NCOA6: variants seen among roughly 807,000 people sequenced by gnomAD.
The protein encoded by NCOA6 is NRC RAP250.
In NCOA6, 49 loss-of-function variants were observed where a neutral mutation model predicts 171.4. The ratio of observed to expected loss-of-function variants is 0.29; its 90% CI spans 0.23 to 0.36. NCOA6 has a LOEUF of 0.36. Ranked by LOEUF, NCOA6 falls within the 10% of genes least tolerant of loss-of-function variation. NCOA6 has a pLI of 1.00. For synonymous variants in NCOA6, 910 were observed against 927.5 expected (o/e 0.98, Z 0.34); for missense variants, 2,248 against 2,554.5 (o/e 0.88, Z 2.59).
At chr20:34,778,047 G>T (rs1330805593) in intron 3 of NCOA6, among the ~76,000 whole-genome samples, 1 of 152,060 alleles carries the variant, frequency 6.6e-6, no homozygotes, top group Non-Finnish European at 1.5e-5. Context: ...TGGGACTACA[G>T]GTGCATGCCA....
chr20:34,798,580 G>C (rs999635302), intron 1 of NCOA6, among the ~76,000 whole-genome samples: 1 of 152,122 alleles, frequency 6.6e-6, no homozygotes, highest in African/African-American at 2.4e-5. Flanking sequence ...TGGCCACAGG[G>C]GTGCTTGTGT....
intron 4 of NCOA6, among the ~76,000 whole-genome samples, chr20:34,773,389 G>C (rs994421451): frequency 6.6e-6 from 1 of 152,216 alleles, no homozygotes; most frequent in Non-Finnish European, 1.5e-5. Flanking sequence ...ACGGACTGTT[G>C]GGAGAACCTG....
At chr20:34,809,062 A>C (rs2078564440) in intron 1 of NCOA6, among the ~76,000 whole-genome samples, 1 of 152,222 alleles carries the variant, frequency 6.6e-6, no homozygotes, top group South Asian at 2.1e-4. Flanking sequence ...AAAATATCAG[A>C]GAGAAGGCCA....
chr20:34,716,996 T>C (rs1208761793), intron 14 of NCOA6, among the ~76,000 whole-genome samples: 2 of 152,370 alleles, frequency 1.3e-5, no homozygotes, highest in East Asian at 3.9e-4. Context: ...TACCCATTTC[T>C]GGTAACTAGG....
intron 1 of NCOA6, chr20:34,819,941 AT>A (rs891112839): frequency 1.3e-5 from 2 of 152,144 alleles, no homozygotes; most frequent in Non-Finnish European, 2.9e-5. Context: ...AGAGCTCACA[AT>A]TTGAAAGCAA....
intron 5 of NCOA6, among the ~76,000 whole-genome samples, chr20:34,759,450 C>T (rs954225321): frequency 2.0e-5 from 3 of 152,062 alleles, no homozygotes; most frequent in African/African-American, 7.2e-5. Context: ...TTCCATTCCA[C>T]TTCCTCCCTC....
rs1439077407 is a variant in NCOA6 at position 34,763,701 on chromosome 20, A to G, written c.514+4763T>C. 2.0e-5 allele frequency among the ~76,000 whole-genome samples: 3 copies of G among 152,198 alleles called. No homozygotes were observed. The South Asian group carries it at 6.2e-4, about 31-fold the overall frequency. ...TGGCTATTAATGGGTATTCACTAAC[A>G]TATCAAATGTCCAAAATGCAAGAGG... On this transcript the variant is annotated intron_variant, in intron 5 of 14. Coordinates refer to ENST00000359003, the MANE Select transcript of NCOA6 (RefSeq NM_014071.5).
chr20:34,824,986 C>T (rs1013175388), intron 1 of NCOA6, among the ~76,000 whole-genome samples: 33 of 152,234 alleles, frequency 2.2e-4, no homozygotes, highest in African/African-American at 7.5e-4. Context: ...TGCATTAGGG[C>T]TCTAACACCG....
chr20:34,776,254 T>C, intron 4 of NCOA6, 39 bp downstream of exon 4: 6 of 1,598,580 alleles, frequency 3.8e-6, no homozygotes, highest in South Asian at 2.2e-5. Context: ...ACTGTTGTAA[T>C]GATTCTGGTC....
In NCOA6 at chr20:34,742,713, G is replaced by A; in HGVS notation, c.3543C>T (p.Pro1181=). Reference sequence around the variant, plus strand: ...GCAGGGAATTTACAGGGGGTTGCTGGGGAGTTGCACCTTGAGTTGCTGAAA... The same window carrying A: ...GCAGGGAATTTACAGGGGGTTGCTGAGGAGTTGCACCTTGAGTTGCTGAAA... ...SPLSATQGAT[P]QQPPVNSLPS... Residue 1181 remains proline, a synonymous_variant, in exon 11 of 15, where the codon CCC becomes CCT. Transcript: ENST00000359003. The A allele has an allele frequency of 6.2e-7, 1 of 1,614,124 alleles. No homozygotes were observed. Among genetic ancestry groups the A allele is most frequent in the Non-Finnish European group, 8.5e-7 (1 of 1,180,014 alleles).
At chr20:34,751,738 C>T (rs1292371507) in intron 8 of NCOA6, among the ~76,000 whole-genome samples, 1 of 152,172 alleles carries the variant, frequency 6.6e-6, no homozygotes, top group Non-Finnish European at 1.5e-5. Flanking sequence ...CTATTTCTAA[C>T]TTAGACAAAA....
chr20:34,747,026 T>C, intron 9 of NCOA6, 98 bp from the exon 10 acceptor site: 1 of 1,213,794 alleles, frequency 8.2e-7, no homozygotes, highest in Non-Finnish European at 1.1e-6. Flanking sequence ...TCTGAAGAAC[T>C]AAAATGTTTG....
At chr20:34,807,191 C>T (rs1004222752) in intron 1 of NCOA6, among the ~76,000 whole-genome samples, 1 of 152,176 alleles carries the variant, frequency 6.6e-6, no homozygotes, top group African/African-American at 2.4e-5. Context: ...TCAGAGCAAC[C>T]TCCAGCCATC....
chr20:34,744,339 CAG>C (rs1168753671), intron 10 of NCOA6, among the ~76,000 whole-genome samples: 2 of 152,088 alleles, frequency 1.3e-5, no homozygotes, highest in Admixed American at 6.5e-5. Context: ...ACCTTACAAT[CAG>C]AAAAGATAAA....
chr20:34,821,118 AT>A (rs11475657), intron 1 of NCOA6: 84,184 of 151,960 alleles, frequency 0.55, 23,852 homozygotes, highest in South Asian at 0.75. Context: ...TAGACATTGG[AT>A]GGCAAATTAG....
intron 13 of NCOA6, 58 bp downstream of exon 13, chr20:34,732,501 A>G: frequency 6.5e-7 from 1 of 1,527,140 alleles, no homozygotes; most frequent in African/African-American, 1.4e-5. Flanking sequence ...GACAGCTGAT[A>G]CCTTTCAAAG....
At chr20:34,779,185 G>GGAAAGCAAATCCCA (rs2077442883) in intron 3 of NCOA6, among the ~76,000 whole-genome samples, 2 of 152,058 alleles carry the variant, frequency 1.3e-5, no homozygotes. Context: ...TTTACAGATT[G>GGAAAGCAAATCCCA]GAAAGCAAAT....
At chr20:34,758,599 T>A (rs989287852) in intron 6 of NCOA6, among the ~76,000 whole-genome samples, 1 of 152,190 alleles carries the variant, frequency 6.6e-6, no homozygotes. Context: ...TTTAGAAATG[T>A]TGGGGTATAA....
chr20:34,725,418 G>A (rs956559920), intron 14 of NCOA6, among the ~76,000 whole-genome samples: 3 of 152,152 alleles, frequency 2.0e-5, no homozygotes, highest in Non-Finnish European at 2.9e-5. Flanking sequence ...AAGAGAGGTG[G>A]GCAGAGAGAA....
Sources: allele counts gnomAD v4.1 joint callset (sites outside exome capture counted in the v4.1 genomes callset), GRCh38; gene constraint gnomAD v4.1.1; transcripts MANE v1.5; gene names NCBI Gene and HGNC (gene_info 2026-07-23, HGNC 2026-07-21).